The following LYPD6 variants were observed in gnomAD, a reference collection of about 807,000 sequenced individuals.
The protein encoded by LYPD6 is LY6/PLAUR domain containing 6, also known as ly6/PLAUR domain-containing protein 6.
In LYPD6, 15 loss-of-function variants were observed where a neutral mutation model predicts 22.7. The ratio of observed to expected loss-of-function variants is 0.66; its 90% CI spans 0.44 to 1.02. LYPD6 has a LOEUF of 1.02. LYPD6 is among the 50% of genes least tolerant of loss of function. The probability of loss-of-function intolerance (pLI) is 0.00; values close to 1 mark genes in which losing one functional copy is unlikely to be tolerated. For synonymous variants in LYPD6, 72 were observed against 77.5 expected (o/e 0.93, Z 0.37); for missense variants, 189 against 208.4 (o/e 0.91, Z 0.57).
intron 3 of LYPD6, among the ~76,000 whole-genome samples, chr2:149,460,152 CAG>C (rs955236893): frequency 2.0e-5 from 3 of 152,022 alleles, no homozygotes; most frequent in Non-Finnish European, 4.4e-5. Context: ...AAAAACAAGA[CAG>C]AAAATAACAA....
At chr2:149,402,148 T>C (rs1214125162) in intron 1 of LYPD6, among the ~76,000 whole-genome samples, 1 of 151,894 alleles carries the variant, frequency 6.6e-6, no homozygotes, top group Admixed American at 6.6e-5. Context: ...AAAAGAATAA[T>C]AGTCTCCAAT....
chr2:149,367,922 A>G (rs984067631), intron 1 of LYPD6: 1 of 152,214 alleles, frequency 6.6e-6, no homozygotes. Flanking sequence ...TATCTCATTA[A>G]TTCCTGGCTG....
chr2:149,388,882 G>C (rs1682245626), intron 1 of LYPD6, among the ~76,000 whole-genome samples: 1 of 152,130 alleles, frequency 6.6e-6, no homozygotes, highest in Non-Finnish European at 1.5e-5. Context: ...GTTATCAACA[G>C]CTTGGTATAC....
intron 1 of LYPD6, among the ~76,000 whole-genome samples, chr2:149,396,323 T>G (rs1559136824): frequency 6.6e-6 from 1 of 152,144 alleles, no homozygotes; most frequent in Non-Finnish European, 1.5e-5. Flanking sequence ...TTTGTTCCTT[T>G]ATATTTTGTG....
At chr2:149,480,937 G>T in the LYPD6 span, among the ~76,000 whole-genome samples, 49 of 152,252 alleles carry the variant, frequency 3.2e-4, no homozygotes, top group Admixed American at 5.9e-4. Flanking sequence ...CTCACGTGGG[G>T]TTGGCTGTGG....
intron 2 of LYPD6, chr2:149,440,388 C>T: frequency 6.0e-6 from 1 of 167,450 alleles, no homozygotes; most frequent in African/African-American, 2.4e-5. Context: ...AAAAGATATC[C>T]CGGAAGAAAC....
rs1681186948 is a variant in LYPD6 at position 149,465,797 on chromosome 2, ATTG to A, written c.218-2844_218-2842del. Among the ~76,000 whole-genome samples, 3 of 152,282 alleles carry A rather than the reference ATTG, an allele frequency of 2.0e-5. No homozygotes were observed. The South Asian group carries it at 6.2e-4, about 32-fold the overall frequency. On this transcript the variant is annotated intron_variant, in intron 3 of 4. Transcript: ENST00000334166. Reference sequence around the variant, plus strand: ...AATTTCATAAAAATTATATTTTCCAATTGTTGATGAAGTTCTCTTTCCCATTTC... The same window carrying A: ...AATTTCATAAAAATTATATTTTCCAATTGATGAAGTTCTCTTTCCCATTTC...
intron 3 of LYPD6, among the ~76,000 whole-genome samples, chr2:149,466,754 T>G (rs1452416418): frequency 6.6e-6 from 1 of 152,202 alleles, no homozygotes; most frequent in African/African-American, 2.4e-5. Context: ...TGCAGCTATG[T>G]AGTGATTTAC....
At chr2:149,435,352 T>G (rs145838779) in intron 1 of LYPD6, among the ~76,000 whole-genome samples, 135 of 152,362 alleles carry the variant, frequency 8.9e-4, no homozygotes, top group African/African-American at 2.9e-3. Flanking sequence ...TGTCTGTGCA[T>G]TTGTTCACAT....
At chr2:149,442,080 A>C (rs1252792796) in intron 2 of LYPD6, among the ~76,000 whole-genome samples, 1 of 152,232 alleles carries the variant, frequency 6.6e-6, no homozygotes, top group Non-Finnish European at 1.5e-5. Flanking sequence ...GCATATTAAA[A>C]TTATACTTAA....
chr2:149,480,019 C>CT, the LYPD6 span, among the ~76,000 whole-genome samples: 1,643 of 144,128 alleles, frequency 0.011, 11 homozygotes, highest in African/African-American at 0.026. Flanking sequence ...TTTTCTCTCT[C>CT]TTTTTTTTTT....
chr2:149,475,029 A>G (rs1681427285), downstream of LYPD6, among the ~76,000 whole-genome samples: 1 of 152,192 alleles, frequency 6.6e-6, no homozygotes, highest in South Asian at 2.1e-4. Context: ...GGCCTCCCAA[A>G]GGGGTTTTAA....
In LYPD6 at chr2:149,437,463, G is replaced by A. The variant is rs114424706; in HGVS notation, c.-71-175G>A. On this transcript the variant is annotated intron_variant, in intron 1 of 4. Coordinates refer to ENST00000334166, the MANE Select transcript of LYPD6 (RefSeq NM_194317.5). ...TAGCAACCTGATTAAGACTAGATCT[G>A]GGCTGGAATGTTCTCAGTGCTCTAA... Among the ~76,000 whole-genome samples the A allele has an allele frequency of 3.6e-3, 545 of 152,226 alleles. 3 individuals are homozygous for A. Among genetic ancestry groups the A allele is most frequent in the African/African-American group, 0.013 (525 of 41,540 alleles).
chr2:149,421,297 A>G (rs1017309196), intron 1 of LYPD6, among the ~76,000 whole-genome samples: 3 of 151,428 alleles, frequency 2.0e-5, no homozygotes, highest in Non-Finnish European at 4.4e-5. Context: ...GGCTGAGGCA[A>G]GAGAATTGCT....
At chr2:149,413,468 C>A (rs1401991423) in intron 1 of LYPD6, among the ~76,000 whole-genome samples, 1 of 152,174 alleles carries the variant, frequency 6.6e-6, no homozygotes, top group Non-Finnish European at 1.5e-5. Flanking sequence ...TACAGACTTA[C>A]CACACTACAG....
At chr2:149,404,356 T>C (rs1280791417) in intron 1 of LYPD6, among the ~76,000 whole-genome samples, 2 of 152,242 alleles carry the variant, frequency 1.3e-5, no homozygotes, top group African/African-American at 2.4e-5. Context: ...TGATTCTTCC[T>C]ACCCATGAGC....
At chr2:149,345,739 T>C (rs1053326321) in intron 1 of LYPD6, among the ~76,000 whole-genome samples, 2 of 152,192 alleles carry the variant, frequency 1.3e-5, no homozygotes, top group Non-Finnish European at 2.9e-5. Context: ...GAATTTGTTG[T>C]GTGCATTTGA....
chr2:149,394,040 A>G (rs1436380312), intron 1 of LYPD6, among the ~76,000 whole-genome samples: 1 of 152,242 alleles, frequency 6.6e-6, no homozygotes, highest in Non-Finnish European at 1.5e-5. Context: ...AGTCTCAAAT[A>G]TAAAATTCGG....
chr2:149,419,572 T>C (rs1683034731), intron 1 of LYPD6, among the ~76,000 whole-genome samples: 1 of 152,228 alleles, frequency 6.6e-6, no homozygotes, highest in Non-Finnish European at 1.5e-5. Flanking sequence ...ATTTCCGTCA[T>C]TACAGAAAGT....
Sources: gnomAD v4.1 joint callset for allele counts (sites outside exome capture counted in the v4.1 genomes callset) on GRCh38, gnomAD v4.1.1 for gene constraint, MANE v1.5 for transcripts, NCBI Gene and HGNC (gene_info 2026-07-23, HGNC 2026-07-21) for gene names.